The following PAX7 variants were observed in gnomAD, a reference collection of about 807,000 sequenced individuals.
PAX7 encodes the protein paired box protein Pax-7.
A neutral mutation model predicts 50.7 loss-of-function variants in PAX7; 18 were observed. The observed-to-expected ratio is 0.36, with a 90% confidence interval of 0.25 to 0.53. The LOEUF is 0.53. Ranked by LOEUF, PAX7 falls within the 20% of genes least tolerant of loss-of-function variation. The probability of loss-of-function intolerance (pLI) is 0.93; values close to 1 mark genes in which losing one functional copy is unlikely to be tolerated. For synonymous variants in PAX7, 310 were observed against 290.4 expected, an observed-to-expected ratio of 1.07 and a Z score of -0.69; for missense variants, 644 against 702.9, an observed-to-expected ratio of 0.92 and a Z score of 0.95.
At chr1:18,699,336 C>A (rs191595886) in intron 5 of PAX7, among the ~76,000 whole-genome samples, 3 of 152,162 alleles carry the variant, frequency 2.0e-5, no homozygotes, top group Non-Finnish European at 4.4e-5. Context: ...ACCTTAGATG[C>A]GGCAATTAAG....
At chr1:18,689,590 A>G (rs775993127) in intron 4 of PAX7, among the ~76,000 whole-genome samples, 37 of 152,198 alleles carry the variant, frequency 2.4e-4, no homozygotes, top group Non-Finnish European at 4.6e-4. Flanking sequence ...GGCCAAAAAA[A>G]AAGCAAGGAT....
chr1:18,744,474 GGATGGATAA>G (rs1225255867), intron 8 of PAX7, among the ~76,000 whole-genome samples: 85 of 144,890 alleles, frequency 5.9e-4, no homozygotes, highest in Middle Eastern at 3.7e-3. Flanking sequence ...ATGGATGGAT[GGATGGATAA>G]ATGGATGGAT....
At position 18,636,839 on chromosome 1, in the gene PAX7, C is replaced by A. The variant is rs565259292; in HGVS notation, c.586+468C>A. ...TGAATTTGTTAACCAGACCCCCACA[C>A]GCTCTCTAAACGGTCCCTTGAAACC... is the stretch of plus-strand genomic sequence containing the variant. On this transcript the variant is annotated intron_variant, in intron 4 of 8. Coordinates refer to ENST00000420770, the MANE Select transcript of PAX7 (RefSeq NM_001135254.2). This position sits in a 1 kb window ranked among gnomAD's most constrained non-coding sequence, Gnocchi z 5.1. 6.6e-6 allele frequency among the ~76,000 whole-genome samples: 1 copy of A among 152,312 alleles called. No individual in the cohort carries two copies. Among genetic ancestry groups the A allele is most frequent in the African/African-American group, 2.4e-5 (1 of 41,586 alleles).
At position 18,631,695 on chromosome 1, in the gene PAX7, A is replaced by T; in HGVS notation, c.85+7A>T. ...ACGGGATTCCCTTTGGAAGGTAAGA[A>T]CGCCCAGGCTGGCCTCGCCGCGACT... On this transcript the variant is annotated splice_region_variant and intron_variant, in intron 1 of 8. Transcript: ENST00000420770. 2 of 1,609,356 alleles carry T rather than the reference A, an allele frequency of 1.2e-6. No individual in the cohort carries two copies. Among genetic ancestry groups the T allele is most frequent in the Middle Eastern group, 1.7e-4 (1 of 6,044 alleles).
intron 4 of PAX7, among the ~76,000 whole-genome samples, chr1:18,642,773 G>T (rs1272539865): frequency 1.3e-5 from 2 of 152,034 alleles, no homozygotes; most frequent in Non-Finnish European, 2.9e-5. Context: ...TTCCCAAATC[G>T]AATCAAGGCA....
At position 18,726,984 on chromosome 1, in the gene PAX7, A is replaced by G. The variant is rs2089579740; in HGVS notation, c.1156-8648A>G. On this transcript the variant is annotated intron_variant, in intron 7 of 8. Coordinates refer to ENST00000420770, the MANE Select transcript of PAX7 (RefSeq NM_001135254.2). The surrounding 1 kb of genome is among the most constrained non-coding windows in gnomAD (Gnocchi z 4.8). Reference sequence around the variant, plus strand: ...CAGCCTGTACTCTGGGTTGGGGCACACAGGATCTGTGCCCTATACATGTGC... The same window carrying G: ...CAGCCTGTACTCTGGGTTGGGGCACGCAGGATCTGTGCCCTATACATGTGC... Among the ~76,000 whole-genome samples the G allele has an allele frequency of 6.6e-6, 1 of 152,224 alleles. No homozygotes were observed. The highest frequency in any genetic ancestry group is 1.5e-5 in the Non-Finnish European group (1 of 68,034).
chr1:18,662,412 T>G (rs2088613069), intron 4 of PAX7, among the ~76,000 whole-genome samples: 1 of 151,870 alleles, frequency 6.6e-6, no homozygotes, highest in South Asian at 2.1e-4. Context: ...TTGTTCCTTC[T>G]TTAGTTCATT....
At chr1:18,644,339 T>C (rs533704163) in intron 4 of PAX7, among the ~76,000 whole-genome samples, 12 of 152,192 alleles carry the variant, frequency 7.9e-5, no homozygotes, top group Non-Finnish European at 1.6e-4. Context: ...TCACTAGCGA[T>C]ATCACTCTAG....
rs764332634 is a variant in PAX7, at chr1:18,663,108, C to T, written c.586+26737C>T. ...GTGGGATTGTGCAACAGACACTGCT[C>T]TGGACTTAATCAGTTAATAATGTGT... is the stretch of plus-strand genomic sequence containing the variant. On this transcript the variant is annotated intron_variant, in intron 4 of 8. Transcript: ENST00000420770. Among the ~76,000 whole-genome samples, 142 of 152,340 alleles carry T rather than the reference C, an allele frequency of 9.3e-4. 2 individuals carry two copies. The highest frequency in any genetic ancestry group is 1.4e-3 in the Admixed American group (21 of 15,306).
chr1:18,642,349 T>C lies in PAX7; in HGVS notation c.586+5978T>C, dbSNP rs143037255. On this transcript the variant is annotated intron_variant, in intron 4 of 8. Transcript: ENST00000420770. ...TCCTGGCCGTGGCCCTGGAAGCTCATAGTCTAAGACTAGACAGAACTCACA... is the reference window on the plus strand; with the variant it reads ...TCCTGGCCGTGGCCCTGGAAGCTCACAGTCTAAGACTAGACAGAACTCACA... Among the ~76,000 whole-genome samples, 523 of 152,180 alleles carry C rather than the reference T, an allele frequency of 3.4e-3. 6 individuals carry two copies. Among genetic ancestry groups the C allele is most frequent in the African/African-American group, 0.012 (502 of 41,532 alleles).
chr1:18,656,856 G>A (rs1251309674), intron 4 of PAX7, among the ~76,000 whole-genome samples: 2 of 152,034 alleles, frequency 1.3e-5, no homozygotes, highest in Non-Finnish European at 2.9e-5. Context: ...GCCGGGCATG[G>A]TGGGGCACGC....
intron 4 of PAX7, among the ~76,000 whole-genome samples, chr1:18,684,519 G>C (rs7522729): frequency 0.08 from 12,233 of 152,244 alleles, 790 homozygotes; most frequent in African/African-American, 0.17. Context: ...CCCGTACACC[G>C]TGCGCTGGTT....
intron 4 of PAX7, among the ~76,000 whole-genome samples, chr1:18,689,082 A>T (rs2089019538): frequency 6.6e-6 from 1 of 151,578 alleles, no homozygotes; most frequent in Non-Finnish European, 1.5e-5. Flanking sequence ...ACTCCCTACA[A>T]CTCTAGTCCC....
intron 4 of PAX7, among the ~76,000 whole-genome samples, chr1:18,662,666 G>A (rs2088616814): frequency 6.6e-6 from 1 of 152,302 alleles, no homozygotes; most frequent in Admixed American, 6.5e-5. Flanking sequence ...CGCCTCCTGA[G>A]TTCAACCAGT....
chr1:18,656,028 G>A (rs1033261759), intron 4 of PAX7, among the ~76,000 whole-genome samples: 2 of 152,116 alleles, frequency 1.3e-5, no homozygotes, highest in African/African-American at 4.8e-5. Flanking sequence ...CCTTAGCCTT[G>A]CCAGTGTATC....
At chr1:18,718,170 A>T (rs2089451059) in intron 7 of PAX7, among the ~76,000 whole-genome samples, 1 of 152,218 alleles carries the variant, frequency 6.6e-6, no homozygotes, top group Non-Finnish European at 1.5e-5. Context: ...CAGGAGGCAC[A>T]CGTCCTGTGG....
At chr1:18,641,738 G>A (rs1202001480) in intron 4 of PAX7, among the ~76,000 whole-genome samples, 2 of 152,124 alleles carry the variant, frequency 1.3e-5, no homozygotes, top group African/African-American at 4.8e-5. Flanking sequence ...TTCATCATTT[G>A]GAATGGTGGA....
Position 18,651,506 on chromosome 1 carries a change from G to A in PAX7, c.586+15135G>A, listed in dbSNP as rs561022567. ...GATTTATACAGTGATATCTAGATAC[G>A]TCTCTCTATCTAGATCTACCTATCC... is the stretch of plus-strand genomic sequence containing the variant. On this transcript the variant is annotated intron_variant, in intron 4 of 8. Coordinates refer to ENST00000420770, the MANE Select transcript of PAX7 (RefSeq NM_001135254.2). 3.3e-5 allele frequency among the ~76,000 whole-genome samples: 5 copies of A among 152,234 alleles called. No individual in the cohort carries two copies. In the East Asian group the frequency reaches 5.8e-4, roughly 18 times the overall value.
intron 7 of PAX7, among the ~76,000 whole-genome samples, chr1:18,725,622 G>T (rs557032437): frequency 6.6e-6 from 1 of 152,208 alleles, no homozygotes; most frequent in African/African-American, 2.4e-5. Flanking sequence ...GCCATTTGCC[G>T]CGTGAAAGTG....
Sources: gnomAD v4.1 joint callset for allele counts (sites outside exome capture counted in the v4.1 genomes callset) on GRCh38, gnomAD v4.1.1 for gene constraint, Gnocchi (gnomAD v3.1) non-coding constraint, MANE v1.5 for transcripts, NCBI Gene and HGNC (gene_info 2026-07-23, HGNC 2026-07-21) for gene names.